IPO9: variants seen among roughly 807,000 people sequenced by gnomAD.
The protein encoded by IPO9 is importin-9.
In IPO9, 28 loss-of-function variants were observed where a neutral mutation model predicts 128.6. That is an observed-to-expected ratio of 0.22 (90% CI 0.16 to 0.30). The LOEUF (loss-of-function observed/expected upper bound fraction) is 0.30. Ranked by LOEUF, IPO9 falls within the 10% of genes least tolerant of loss-of-function variation. The pLI, the probability that IPO9 is intolerant of heterozygous loss-of-function variation, is 1.00. For synonymous variants in IPO9, 455 were observed against 475.8 expected (o/e 0.96, Z 0.57); for missense variants, 935 against 1,293.9 (o/e 0.72, Z 4.26).
chr1:201,869,036 A>G (rs1271706558), intron 16 of IPO9, among the ~76,000 whole-genome samples: 1 of 152,120 alleles, frequency 6.6e-6, no homozygotes, highest in Non-Finnish European at 1.5e-5. Context: ...GTGGATCACA[A>G]GGTCAGGAGT....
Position 201,882,567 on chromosome 1 carries a change from T to G in IPO9, c.*6513T>G, listed in dbSNP as rs1464673334. ...CTTTTTTGAGTAACTGGGAAAAGGGTGGCATTACTGCTGGCTTCCTAAAAT... is the reference window on the plus strand; with the variant it reads ...CTTTTTTGAGTAACTGGGAAAAGGGGGGCATTACTGCTGGCTTCCTAAAAT... On this transcript the variant is annotated 3_prime_UTR_variant, in exon 24 of 24. Transcript: ENST00000361565. 6.6e-6 allele frequency: 1 copy of G among 151,526 alleles called. No individual in the cohort carries two copies. Among genetic ancestry groups the G allele is most frequent in the East Asian group, 1.9e-4 (1 of 5,168 alleles). The allele number at this position is 151,526 out of a possible 1,614,324, so 9.4% of individuals were successfully genotyped here. A position where few individuals can be genotyped will look rare whatever the true frequency, so the allele number is the denominator to read the frequency against.
At position 201,829,299 on chromosome 1, in the gene IPO9, C is replaced by T. The variant is rs1463817326; in HGVS notation, c.90C>T (p.Thr30=). 1 of 1,598,172 alleles carries T rather than the reference C, an allele frequency of 6.3e-7. No individual in the cohort carries two copies. The highest frequency in any genetic ancestry group is 1.7e-5 in the Admixed American group (1 of 57,808). The change falls in exon 1 of 24, where the codon ACC becomes ACT. Residue 30 remains threonine (T), a synonymous_variant. Coordinates refer to ENST00000361565, the MANE Select transcript of IPO9 (RefSeq NM_018085.5). ...AGGAAGCGTTAGTGGATACGCTCACCGGGATCCTATCCCCAGTACAGGAGG... is the reference window on the plus strand; with the variant it reads ...AGGAAGCGTTAGTGGATACGCTCACTGGGATCCTATCCCCAGTACAGGAGG... ...GLKEALVDTL[T]GILSPVQEVR... is the part of the protein sequence containing the mutation.
Position 201,881,158 on chromosome 1 carries a change from G to A in IPO9, c.*5104G>A, listed in dbSNP as rs537427972. 1.4e-4 allele frequency: 22 copies of A among 152,290 alleles called. No individual in the cohort carries two copies. The highest frequency in any genetic ancestry group is 4.1e-4 in the South Asian group (2 of 4,824). The allele number at this position is 152,290 out of a possible 1,614,324, so 9.4% of individuals were successfully genotyped here. A position where few individuals can be genotyped will look rare whatever the true frequency, so the allele number is the denominator to read the frequency against. On this transcript the variant is annotated 3_prime_UTR_variant, in exon 24 of 24. Transcript: ENST00000361565. The stretch of plus-strand genomic sequence containing the variant: ...TAATGGTAACCTGGGGGAGGAAGTC[G>A]GGTAAGTTGCATGGAGAAGGCAACC...
chr1:201,848,204 A>G lies in IPO9; in HGVS notation c.313-189A>G, dbSNP rs553519487. Among the ~76,000 whole-genome samples, 9 of 152,334 alleles carry G rather than the reference A, an allele frequency of 5.9e-5. No homozygotes were observed. In the South Asian group the frequency reaches 1.9e-3, roughly 32 times the overall value. ...CTATGTATAGCTAGTGGCTACTGTA[A>G]TGGACTGCATAAGTTTAGAGATCAC... On this transcript the variant is annotated intron_variant, in intron 3 of 23. Coordinates refer to ENST00000361565, the MANE Select transcript of IPO9 (RefSeq NM_018085.5).
At chr1:201,859,036 C>A (rs768803398) in intron 13 of IPO9, 42 bp downstream of exon 13, 4 of 1,581,640 alleles carry the variant, frequency 2.5e-6, no homozygotes, top group Admixed American at 3.4e-5. Context: ...ACTCTTTAAA[C>A]CTGTTGTGGG....
At position 201,879,775 on chromosome 1, in the gene IPO9, A is replaced by T. The variant is rs1239052674; in HGVS notation, c.*3721A>T. The stretch of plus-strand genomic sequence containing the variant: ...GTTTAATGGCTGGGTGTGGTGGCTC[A>T]CACCTGTAATCCCAACACTTTGGGA... On this transcript the variant is annotated 3_prime_UTR_variant, in exon 24 of 24. Transcript: ENST00000361565. 1 of 152,190 alleles carries T rather than the reference A, an allele frequency of 6.6e-6. No individual in the cohort carries two copies. The highest frequency in any genetic ancestry group is 1.9e-4 in the East Asian group (1 of 5,194). 9.4% of individuals were successfully genotyped at this position (152,190 alleles called of 1,614,324 possible).
rs1336112662 is a variant in IPO9 at position 201,858,547 on chromosome 1, A to G, written c.1322A>G (p.Glu441Gly). 6.4e-7 allele frequency: 1 copy of G among 1,565,472 alleles called. No individual in the cohort carries two copies. The highest frequency in any genetic ancestry group is 8.7e-7 in the Non-Finnish European group (1 of 1,153,252). Residue 441 changes from glutamate to glycine, a missense_variant, in exon 12 of 24, where the codon GAG becomes GGG. Glu to Gly is a moderately conservative substitution (Grantham distance 98, BLOSUM62 -2). Transcript: ENST00000361565. ...GAGCAAACCAAAAACAGTGGCACTG[A>G]GCACTGGTAAGAGTGAGCCGCTAAT... is the stretch of plus-strand genomic sequence containing the variant. ...EAEQTKNSGT[E>G]HWWKIHEACM... is the part of the protein sequence containing the mutation.
chr1:201,865,688 T>C (rs965637461), intron 14 of IPO9, among the ~76,000 whole-genome samples: 21 of 152,340 alleles, frequency 1.4e-4, no homozygotes, highest in Middle Eastern at 3.4e-3. Flanking sequence ...ATTATACTTG[T>C]TTCACATTTT....
In IPO9 at chr1:201,870,513, A is replaced by G; in HGVS notation, c.2134-70A>G. 1 of 1,535,524 alleles carries G rather than the reference A, an allele frequency of 6.5e-7. No homozygotes were observed. The highest frequency in any genetic ancestry group is 8.8e-7 in the Non-Finnish European group (1 of 1,135,760). On this transcript the variant is annotated intron_variant, in intron 17 of 23. Coordinates refer to ENST00000361565, the MANE Select transcript of IPO9 (RefSeq NM_018085.5). This position sits in a 1 kb window ranked among gnomAD's most constrained non-coding sequence, Gnocchi z 4.9. ...CATAGGCCTCTGGGAACATTTGTTT[A>G]TACAGACTGAGGGCCTTCTGGCATC...
chr1:201,880,609 T>G lies in IPO9; in HGVS notation c.*4555T>G, dbSNP rs1314409961. 6.6e-6 allele frequency: 1 copy of G among 152,280 alleles called. No homozygotes were observed. The highest frequency in any genetic ancestry group is 1.5e-5 in the Non-Finnish European group (1 of 68,072). 9.4% of individuals were successfully genotyped at this position (152,280 alleles called of 1,614,324 possible). A position where few individuals can be genotyped will look rare whatever the true frequency, so the allele number is the denominator to read the frequency against. ...ATAAAAGGCCAATTTCTGGCTACTC[T>G]TGCCCCCAACCCCATTTCAGTGAAC... On this transcript the variant is annotated 3_prime_UTR_variant, in exon 24 of 24. Transcript: ENST00000361565.
intron 23 of IPO9, among the ~76,000 whole-genome samples, chr1:201,875,457 G>A (rs1680743729): frequency 6.6e-6 from 1 of 152,110 alleles, no homozygotes; most frequent in African/African-American, 2.4e-5. Flanking sequence ...GGGCATAGTG[G>A]CACACCCCCG....
rs2102888540 is a variant in IPO9, at chr1:201,870,242, TA to T, written c.2134-340del. 6.6e-6 allele frequency among the ~76,000 whole-genome samples: 1 copy of T among 152,324 alleles called. No homozygotes were observed. Among genetic ancestry groups the T allele is most frequent in the East Asian group, 1.9e-4 (1 of 5,194 alleles). The stretch of plus-strand genomic sequence containing the variant: ...GTAAGACCTATATAAAGACCTACAG[TA>T]TCCCCAGTTATTCCAAGATTGTAAG... On this transcript the variant is annotated intron_variant, in intron 17 of 23. Coordinates refer to ENST00000361565, the MANE Select transcript of IPO9 (RefSeq NM_018085.5). The surrounding 1 kb of genome is among the most constrained non-coding windows in gnomAD (Gnocchi z 4.9).
Position 201,834,706 on chromosome 1 carries a change from T to G in IPO9, c.163+5334T>G, listed in dbSNP as rs547152722. ...TTTTGCCTATTACAAATGATGACATTTCCCCTATCATTTGGCCTTGTCTAG... is the reference window on the plus strand; with the variant it reads ...TTTTGCCTATTACAAATGATGACATGTCCCCTATCATTTGGCCTTGTCTAG... On this transcript the variant is annotated intron_variant, in intron 1 of 23. Coordinates refer to ENST00000361565, the MANE Select transcript of IPO9 (RefSeq NM_018085.5). Among the ~76,000 whole-genome samples, 209 of 152,346 alleles carry G rather than the reference T, an allele frequency of 1.4e-3. 1 individual carries two copies. The highest frequency in any genetic ancestry group is 4.7e-3 in the African/African-American group (195 of 41,574).
At position 201,875,505 on chromosome 1, in the gene IPO9, G is replaced by A. The variant is rs147914238; in HGVS notation, c.3015+277G>A. Among the ~76,000 whole-genome samples the A allele has an allele frequency of 7.4e-4, 112 of 151,948 alleles. 4 individuals carry two copies. The East Asian group carries it at 0.016, about 22-fold the overall frequency. ...CTCGGGAGGCTGAGGTGGGAGGATC[G>A]CTTGAGGCCAAGAGGTCAAGGCTGC... On this transcript the variant is annotated intron_variant, in intron 23 of 23. Transcript: ENST00000361565.
At position 201,872,986 on chromosome 1, in the gene IPO9, A is replaced by G. The variant is rs139094617; in HGVS notation, c.2710+25A>G. On this transcript the variant is annotated intron_variant, in intron 20 of 23. Transcript: ENST00000361565. Reference sequence around the variant, plus strand: ...AGTGGGTGCTGCTGCGATTCTTCCAATCCTCTCCCTATACGAAGGGGCTAA... The same window carrying G: ...AGTGGGTGCTGCTGCGATTCTTCCAGTCCTCTCCCTATACGAAGGGGCTAA... The G allele has an allele frequency of 1.3e-5, 21 of 1,602,704 alleles. No individual in the cohort carries two copies. In the African/African-American group the frequency reaches 2.7e-4, roughly 20 times the overall value.
intron 9 of IPO9, among the ~76,000 whole-genome samples, 170 bp downstream of exon 9, chr1:201,855,352 T>C (rs550960478): frequency 3.3e-5 from 5 of 152,344 alleles, no homozygotes; most frequent in Admixed American, 2.6e-4. Flanking sequence ...TGACAATCTT[T>C]AATCTGTTCC....
At chr1:201,847,429 T>TA in intron 2 of IPO9, 89 bp downstream of exon 2, 1 of 1,376,084 alleles carries the variant, frequency 7.3e-7, no homozygotes, top group South Asian at 1.2e-5. Context: ...GGCCAGTGTA[T>TA]AAATAACCTA....
At chr1:201,854,560 G>T (rs1680293006) in intron 6 of IPO9, 35 bp from the exon 7 acceptor site, 1 of 1,609,882 alleles carries the variant, frequency 6.2e-7, no homozygotes, top group Non-Finnish European at 8.5e-7. Context: ...TGGATTAGGG[G>T]TTTGTCCAGT....
intron 21 of IPO9, 28 bp downstream of exon 21, chr1:201,874,400 CTT>C: frequency 1.9e-6 from 3 of 1,580,998 alleles, no homozygotes; most frequent in Non-Finnish European, 1.7e-6. Flanking sequence ...TCCCAGGAGA[CTT>C]TTAGCCTGGC....
Sources: gnomAD v4.1 joint callset for allele counts (sites outside exome capture counted in the v4.1 genomes callset) on GRCh38, gnomAD v4.1.1 for gene constraint, Gnocchi (gnomAD v3.1) non-coding constraint, MANE v1.5 for transcripts, NCBI Gene and HGNC (gene_info 2026-07-23, HGNC 2026-07-21) for gene names.